Variants in PFAS observed in about 807,000 individuals in gnomAD.
PFAS encodes the protein FGAM synthase.
In PFAS, 97 loss-of-function variants were observed where a neutral mutation model predicts 140.6. The observed-to-expected ratio is 0.69, with a 90% confidence interval of 0.59 to 0.82. The LOEUF (loss-of-function observed/expected upper bound fraction) is 0.82. Among genes scored for constraint, PFAS ranks in the 40% least tolerant of loss-of-function variants. PFAS has a pLI of 0.00. For missense variants in PFAS, 1,656 were observed against 1,780.2 expected (o/e 0.93, Z 1.26); for synonymous variants, 679 against 718.8 (o/e 0.94, Z 0.88).
Position 8,250,432 on chromosome 17 carries a change from G to A in PFAS, c.-80+1093G>A, listed in dbSNP as rs577431946. Reference sequence around the variant, plus strand: ...TGAAGAGATGAGAGATTTGAGACATGATTGGAAATAGATTTCCTGGTGGAT... The same window carrying A: ...TGAAGAGATGAGAGATTTGAGACATAATTGGAAATAGATTTCCTGGTGGAT... On this transcript the variant is annotated intron_variant, in intron 1 of 27. Coordinates refer to ENST00000314666, the MANE Select transcript of PFAS (RefSeq NM_012393.3). Among the ~76,000 whole-genome samples, 81 of 152,322 alleles carry A rather than the reference G, an allele frequency of 5.3e-4. 1 individual carries two copies. The highest frequency in any genetic ancestry group is 1.8e-3 in the African/African-American group (76 of 41,580).
At chr17:8,265,800 GC>G in intron 20 of PFAS, 61 bp from the exon 21 acceptor site, 1 of 1,417,022 alleles carries the variant, frequency 7.1e-7, no homozygotes, top group East Asian at 2.3e-5. Context: ...AGTGCTGTGA[GC>G]CCCTCAGGGA....
chr17:8,257,945 C>G lies in PFAS; in HGVS notation c.1207+7C>G. The G allele has an allele frequency of 6.2e-7, 1 of 1,614,038 alleles. No homozygotes were observed. The highest frequency in any genetic ancestry group is 1.3e-5 in the African/African-American group (1 of 75,044). ...GGGGAACCAGTGCTGGCTGGTGAGG[C>G]TGGGGTGTGGAGGGATGACAAACAC... On this transcript the variant is annotated splice_region_variant and intron_variant, in intron 10 of 27. Transcript: ENST00000314666.
intron 3 of PFAS, 95 bp downstream of exon 3, chr17:8,254,396 T>C: frequency 6.9e-7 from 1 of 1,449,170 alleles, no homozygotes; most frequent in Non-Finnish European, 9.5e-7. Flanking sequence ...TCTTTGCTAC[T>C]TCCTGCCTAG....
Position 8,266,980 on chromosome 17 carries a change from G to C in PFAS, c.2968-48G>C. On this transcript the variant is annotated intron_variant, in intron 23 of 27. Coordinates refer to ENST00000314666, the MANE Select transcript of PFAS (RefSeq NM_012393.3). The surrounding 1 kb of genome is among the most constrained non-coding windows in gnomAD (Gnocchi z 5.0). ...GGTCCATCCCTCTCCCACTGTGGAG[G>C]GGGCCATCCTTTCTCCTAGCCCGTG... is the stretch of plus-strand genomic sequence containing the variant. The C allele has an allele frequency of 6.2e-7, 1 of 1,605,038 alleles. No homozygotes were observed. The highest frequency in any genetic ancestry group is 8.5e-7 in the Non-Finnish European group (1 of 1,175,258).
Position 8,266,411 on chromosome 17 carries a change from C to T in PFAS, c.2821+58C>T, listed in dbSNP as rs1332445072. ...GCTGCCTTCTCTACCCTGCAGACCC[C>T]ATTTCCAATATATTAAAGAGTGGAG... On this transcript the variant is annotated intron_variant, in intron 22 of 27. Transcript: ENST00000314666. This position sits in a 1 kb window ranked among gnomAD's most constrained non-coding sequence, Gnocchi z 5.0. The T allele has an allele frequency of 3.1e-6, 5 of 1,606,396 alleles. No individual in the cohort carries two copies. The highest frequency in any genetic ancestry group is 1.3e-5 in the African/African-American group (1 of 74,614).
rs368042271 is a variant in PFAS at position 8,263,581 on chromosome 17, T to C, written c.1574T>C (p.Val525Ala). 63 of 1,613,760 alleles carry C rather than the reference T, an allele frequency of 3.9e-5. No homozygotes were observed. The highest frequency in any genetic ancestry group is 5.3e-5 in the Non-Finnish European group (62 of 1,179,828). ...CTTGCAACCCTCTCACCAGGCAATG[T>C]CCTAAAAGAGCTGAGTGACCCAGCT... The part of the protein sequence containing the change: ...HDQGAGGNGN[V>A]LKELSDPAGA... The change falls in exon 14 of 28, where the codon GTC becomes GCC. Residue 525 changes from valine (V) to alanine (A), a missense_variant. Physicochemically the swap from Val to Ala is moderately conservative, Grantham distance 64. Coordinates refer to ENST00000314666, the MANE Select transcript of PFAS (RefSeq NM_012393.3).
chr17:8,266,189 A>G lies in PFAS; in HGVS notation c.2702-45A>G. The G allele has an allele frequency of 6.2e-7, 1 of 1,609,272 alleles. No individual in the cohort carries two copies. Among genetic ancestry groups the G allele is most frequent in the Non-Finnish European group, 8.5e-7 (1 of 1,177,004 alleles). On this transcript the variant is annotated intron_variant, in intron 21 of 27. Transcript: ENST00000314666. This position sits in a 1 kb window ranked among gnomAD's most constrained non-coding sequence, Gnocchi z 5.0. ...CTCCGGAAGGTGGGGTGGGGCTGTC[A>G]GGTTTGGGTCCCGAGGTTGCTGAGC...
chr17:8,267,376 T>C lies in PFAS; in HGVS notation c.3180T>C (p.Gly1060=). Reference sequence around the variant, plus strand: ...AGACACTTATTCTCCCCCAAGGTGGTCCCAGCCCCCGAGTCGCCATCTTGC... The same window carrying C: ...AGACACTTATTCTCCCCCAAGGTGGCCCCAGCCCCCGAGTCGCCATCTTGC... ...PKASVPREPG[G]PSPRVAILRE... is the part of the protein sequence containing the mutation. Residue 1060 remains glycine, a synonymous_variant, in exon 25 of 28, where the codon GGT becomes GGC. Coordinates refer to ENST00000314666, the MANE Select transcript of PFAS (RefSeq NM_012393.3). This position sits in a 1 kb window ranked among gnomAD's most constrained non-coding sequence, Gnocchi z 4.9. 10 of 1,613,770 alleles carry C rather than the reference T, an allele frequency of 6.2e-6. No individual in the cohort carries two copies. The highest frequency in any genetic ancestry group is 8.5e-6 in the Non-Finnish European group (10 of 1,179,848).
At chr17:8,268,485 T>G in intron 26 of PFAS, 48 bp from the exon 27 acceptor site, 1 of 1,432,468 alleles carries the variant, frequency 7.0e-7, no homozygotes, top group Non-Finnish European at 9.7e-7. Flanking sequence ...CCAATTCCCT[T>G]TTTTGAGGTC....
In PFAS at chr17:8,269,793, T is replaced by C. The variant is rs1989958209; in HGVS notation, c.*529T>C. Reference sequence around the variant, plus strand: ...GCACTGAATGTAAGGAATTGTTGCTTGTGGAAGTTTCTCAGCGTTTCTGGC... The same window carrying C: ...GCACTGAATGTAAGGAATTGTTGCTCGTGGAAGTTTCTCAGCGTTTCTGGC... On this transcript the variant is annotated 3_prime_UTR_variant, in exon 28 of 28. Transcript: ENST00000314666. The C allele has an allele frequency of 6.5e-6, 1 of 152,922 alleles. No homozygotes were observed. The highest frequency in any genetic ancestry group is 2.4e-5 in the African/African-American group (1 of 41,434). The allele number at this position is 152,922 out of a possible 1,614,324, so 9.5% of individuals were successfully genotyped here. A position where few individuals can be genotyped will look rare whatever the true frequency, so the allele number is the denominator to read the frequency against.
At position 8,269,273 on chromosome 17, in the gene PFAS, A is replaced by G; in HGVS notation, c.*9A>G. The G allele has an allele frequency of 6.3e-7, 1 of 1,592,236 alleles. No individual in the cohort carries two copies. Among genetic ancestry groups the G allele is most frequent in the Non-Finnish European group, 8.6e-7 (1 of 1,166,240 alleles). On this transcript the variant is annotated 3_prime_UTR_variant, in exon 28 of 28. Coordinates refer to ENST00000314666, the MANE Select transcript of PFAS (RefSeq NM_012393.3). ...TGGAAGGGAGCTGCTGACTGGCCAC[A>G]GGGGCTCACCTGGGCCCCATGGCTT...
chr17:8,269,205 TC>T lies in PFAS; in HGVS notation c.3963del (p.Trp1322GlyfsTer32). On this transcript the variant is annotated frameshift_variant, in exon 28 of 28. Transcript: ENST00000314666. LOFTEE classifies it high-confidence loss of function. ...CCCTCCATTTGATACTCTGACCACC[TC>T]CCCCTGGCTCCAGCTCTTTATCAAT... ...RPPPFDTLTT[S>X]PWLQLFINAR... 1 of 1,612,806 alleles carries T rather than the reference TC, an allele frequency of 6.2e-7. No homozygotes were observed.
At chr17:8,255,352 T>C (rs1989317034) in intron 4 of PFAS, 150 bp from the exon 5 acceptor site, 1 of 685,658 alleles carries the variant, frequency 1.5e-6, no homozygotes. Flanking sequence ...GATTCATACC[T>C]GGAAAGGGCG....
rs1989793530 is a variant in PFAS, at chr17:8,265,882, C to G, written c.2566C>G (p.Leu856Val). The G allele has an allele frequency of 6.8e-6, 11 of 1,608,840 alleles. No individual in the cohort carries two copies. Among genetic ancestry groups the G allele is most frequent in the Non-Finnish European group, 9.3e-6 (11 of 1,177,284 alleles). ...CCCAGGCCATCTGCTCTATGTGGCT[C>G]TGAGCCCTGGGCAGCACCGGCTCGG... ...EGRGHLLYVA[L>V]SPGQHRLGGT... Residue 856 changes from leucine to valine, a missense_variant, in exon 21 of 28, where the codon CTG becomes GTG. Leu to Val is a conservative substitution (Grantham distance 32). Coordinates refer to ENST00000314666, the MANE Select transcript of PFAS (RefSeq NM_012393.3).
At chr17:8,256,096 G>A (rs761654807) in intron 6 of PFAS, among the ~76,000 whole-genome samples, 171 bp from the exon 7 acceptor site, 3 of 152,176 alleles carry the variant, frequency 2.0e-5, no homozygotes, top group African/African-American at 4.8e-5. Context: ...GCTCTGGATA[G>A]TCCAAAATGA....
chr17:8,263,933 G>T lies in PFAS; in HGVS notation c.1788G>T (p.Arg596=). The T allele has an allele frequency of 6.2e-7, 1 of 1,612,248 alleles. No homozygotes were observed. The highest frequency in any genetic ancestry group is 2.2e-5 in the East Asian group (1 of 44,874). ...TCGTGGGCACCATCACTGGAGACCG[G>T]AGAGTGAGTTGGCCCAGGGAGTTGG... The part of the protein sequence containing the change: ...ACFVGTITGD[R]RIVLVDDREC... The change falls in exon 15 of 28, where the codon CGG becomes CGT. Residue 596 remains arginine (R), a synonymous_variant. Transcript: ENST00000314666.
Position 8,263,648 on chromosome 17 carries a change from C to T in PFAS, c.1629+12C>T, listed in dbSNP as rs1989685583. 1.2e-6 allele frequency: 2 copies of T among 1,613,042 alleles called. No individual in the cohort carries two copies. The highest frequency in any genetic ancestry group is 1.3e-5 in the African/African-American group (1 of 75,026). Reference sequence around the variant, plus strand: ...CCAGCCGCTTCCAGGTGGGTCTCGTCCCCTGAAGTGTGACATTTTCCCACC... The same window carrying T: ...CCAGCCGCTTCCAGGTGGGTCTCGTTCCCTGAAGTGTGACATTTTCCCACC... On this transcript the variant is annotated intron_variant, in intron 14 of 27. Coordinates refer to ENST00000314666, the MANE Select transcript of PFAS (RefSeq NM_012393.3).
chr17:8,267,238 G>A lies in PFAS; in HGVS notation c.3175+3G>A, dbSNP rs1989854302. 1 of 1,608,864 alleles carries A rather than the reference G, an allele frequency of 6.2e-7. No individual in the cohort carries two copies. Among genetic ancestry groups the A allele is most frequent in the Non-Finnish European group, 8.5e-7 (1 of 1,176,770 alleles). ...AGCCTCCGTGCCCCGTGAGCCTGGT[G>A]AGGGAGTGTGTGCAGAGGCTCCGCG... On this transcript the variant is annotated splice_donor_region_variant and intron_variant, in intron 24 of 27. Coordinates refer to ENST00000314666, the MANE Select transcript of PFAS (RefSeq NM_012393.3). The surrounding 1 kb of genome is among the most constrained non-coding windows in gnomAD (Gnocchi z 4.9).
At chr17:8,263,382 T>C in intron 13 of PFAS, 117 bp downstream of exon 13, 2 of 1,184,082 alleles carry the variant, frequency 1.7e-6, no homozygotes, top group Non-Finnish European at 2.5e-6. Context: ...CCATTCTCCA[T>C]GCTCTGTACA....
Sources: gnomAD v4.1 joint callset for allele counts (sites outside exome capture counted in the v4.1 genomes callset) on GRCh38, gnomAD v4.1.1 for gene constraint, Gnocchi (gnomAD v3.1) non-coding constraint, MANE v1.5 for transcripts, NCBI Gene and HGNC (gene_info 2026-07-23, HGNC 2026-07-21) for gene names.